ANGEL1: variants seen among roughly 807,000 people sequenced by gnomAD.
ANGEL1 encodes the protein angel homolog 1.
ANGEL1 carries 62 observed loss-of-function variants against 76.4 expected under a neutral mutation model. The observed-to-expected ratio is 0.81, with a 90% CI of 0.66 to 1.00. The LOEUF is 1.00. Ranked by LOEUF, ANGEL1 falls within the 50% of genes least tolerant of loss-of-function variation. The pLI, the probability that ANGEL1 is intolerant of heterozygous loss-of-function variation, is 0.00. For synonymous variants in ANGEL1, 340 were observed against 331.7 expected, an observed-to-expected ratio of 1.03 and a Z score of -0.27; for missense variants, 737 against 836.7, an observed-to-expected ratio of 0.88 and a Z score of 1.47.
Position 76,789,273 on chromosome 14 carries a change from G to C in ANGEL1, c.1968C>G (p.His656Gln), listed in dbSNP as rs1434160802. Residue 656 changes from histidine to glutamine, a missense_variant, in exon 10 of 10, where the codon CAC (histidine) becomes CAG (glutamine). His to Gln is a conservative substitution (Grantham distance 24). This residue lies in a region of ANGEL1 where 296 missense variants were observed against 387.2 expected (regional missense o/e 0.76). Transcript: ENST00000251089. ...TCCCGAAGCTGGCTAGCAGGCAGAG[G>C]TGGTCTGAAGAGCAGAAGGGGTTGG... is the stretch of plus-strand genomic sequence containing the variant. Reference protein sequence around the residue: ...GLPNPFCSSDHLCLLASFGME... With the variant: ...GLPNPFCSSDQLCLLASFGME... 6.2e-7 allele frequency: 1 copy of C among 1,614,244 alleles called. No homozygotes were observed. The highest frequency in any genetic ancestry group is 1.1e-5 in the South Asian group (1 of 91,082).
intron 5 of ANGEL1, 127 bp downstream of exon 5, chr14:76,806,289 C>G: frequency 2.0e-6 from 2 of 992,390 alleles, no homozygotes; most frequent in East Asian, 5.2e-5. Flanking sequence ...TTCAACATAA[C>G]AAGAAAAAGG....
chr14:76,789,072 G>T lies in ANGEL1; in HGVS notation c.*156C>A. ...ACAGGCAGAGAACGCAGCCAGGCCT[G>T]GAGAAAGTCTAACCGTGGGAAAAAG... On this transcript the variant is annotated 3_prime_UTR_variant, in exon 10 of 10. Coordinates refer to ENST00000251089, the MANE Select transcript of ANGEL1 (RefSeq NM_015305.4). The T allele has an allele frequency of 9.6e-7, 1 of 1,041,380 alleles. No individual in the cohort carries two copies. Among genetic ancestry groups the T allele is most frequent in the Non-Finnish European group, 1.4e-6 (1 of 715,732 alleles). The allele number at this position is 1,041,380 out of a possible 1,614,324, so 64.5% of individuals were successfully genotyped here. A position where few individuals can be genotyped will look rare whatever the true frequency, so the allele number is the denominator to read the frequency against.
chr14:76,789,092 A>G lies in ANGEL1; in HGVS notation c.*136T>C, dbSNP rs1894322024. 8.2e-7 allele frequency: 1 copy of G among 1,219,396 alleles called. No individual in the cohort carries two copies. The highest frequency in any genetic ancestry group is 1.1e-6 in the Non-Finnish European group (1 of 874,542). The allele number at this position is 1,219,396 out of a possible 1,614,324, so 75.5% of individuals were successfully genotyped here. A position where few individuals can be genotyped will look rare whatever the true frequency, so the allele number is the denominator to read the frequency against. On this transcript the variant is annotated 3_prime_UTR_variant, in exon 10 of 10. Transcript: ENST00000251089. ...GGCCTGGAGAAAGTCTAACCGTGGG[A>G]AAAAGGGAACGAGGAGGGGGAAGGG...
intron 3 of ANGEL1, 109 bp from the exon 4 acceptor site, chr14:76,807,611 C>T (rs753080223): frequency 8.6e-5 from 90 of 1,052,530 alleles, no homozygotes; most frequent in Non-Finnish European, 1.3e-4. Flanking sequence ...CACACTGAAA[C>T]TTCCCAGAGT....
intron 7 of ANGEL1, among the ~76,000 whole-genome samples, chr14:76,798,015 C>T (rs569175034): frequency 1.4e-4 from 21 of 152,262 alleles, no homozygotes; most frequent in African/African-American, 5.1e-4. Context: ...AGGATTAGTG[C>T]TCTTATAAAA....
At chr14:76,800,371 G>T (rs929380704) in intron 7 of ANGEL1, among the ~76,000 whole-genome samples, 3 of 152,146 alleles carry the variant, frequency 2.0e-5, no homozygotes, top group Non-Finnish European at 1.5e-5. Flanking sequence ...GGCCATCATT[G>T]TTATCACTAT....
chr14:76,803,237 C>T, intron 7 of ANGEL1, 134 bp downstream of exon 7: 3 of 720,922 alleles, frequency 4.2e-6, no homozygotes, highest in Non-Finnish European at 6.8e-6. Context: ...AACTAACCTT[C>T]CTTCTAAATA....
At chr14:76,812,215 T>C in intron 1 of ANGEL1, 3 of 982,870 alleles carry the variant, frequency 3.1e-6, no homozygotes, top group Non-Finnish European at 3.6e-6. Context: ...GAGATCTAAA[T>C]GTGTCTCTGA....
intron 5 of ANGEL1, among the ~76,000 whole-genome samples, chr14:76,805,143 A>C (rs996135810): frequency 3.9e-5 from 6 of 152,168 alleles, no homozygotes; most frequent in East Asian, 1.9e-4. Flanking sequence ...AACACTTTAC[A>C]CGCATTATTT....
At chr14:76,804,664 G>C (rs1202384016) in intron 5 of ANGEL1, among the ~76,000 whole-genome samples, 1 of 152,230 alleles carries the variant, frequency 6.6e-6, no homozygotes, top group Admixed American at 6.5e-5. Flanking sequence ...CTTAATAGCT[G>C]TGTGACTTTT....
intron 5 of ANGEL1, chr14:76,804,559 G>T: frequency 1.7e-6 from 1 of 588,902 alleles, no homozygotes; most frequent in Non-Finnish European, 2.1e-6. Flanking sequence ...AGGTGCTGGG[G>T]ATAGAGCAGC....
intron 1 of ANGEL1, among the ~76,000 whole-genome samples, chr14:76,810,721 A>G (rs901679564): frequency 6.6e-6 from 1 of 152,236 alleles, no homozygotes; most frequent in Non-Finnish European, 1.5e-5. Flanking sequence ...AACAATCGAC[A>G]GTAAGAGACA....
Position 76,791,265 on chromosome 14 carries a change from A to G in ANGEL1, c.1688+32T>C, listed in dbSNP as rs1894397453. 4 of 1,612,570 alleles carry G rather than the reference A, an allele frequency of 2.5e-6. No individual in the cohort carries two copies. The African/African-American group carries it at 5.3e-5, about 21-fold the overall frequency. ...TCTCTTACACCTAGGCAAGGGCTGG[A>G]TTGAAAACAGAAGAGAACTGGAGAA... On this transcript the variant is annotated intron_variant, in intron 8 of 9. Coordinates refer to ENST00000251089, the MANE Select transcript of ANGEL1 (RefSeq NM_015305.4).
intron 1 of ANGEL1, chr14:76,810,170 C>G (rs35649196): frequency 0.063 from 28,680 of 454,484 alleles, 1,130 homozygotes; most frequent in Non-Finnish European, 0.081. Flanking sequence ...GCTCCCAGCA[C>G]TTTGGGAGGC....
intron 1 of ANGEL1, among the ~76,000 whole-genome samples, chr14:76,811,336 T>C (rs1895075456): frequency 6.6e-6 from 1 of 152,232 alleles, no homozygotes; most frequent in Non-Finnish European, 1.5e-5. Context: ...CCTCTGTGTA[T>C]ACCAGATGGC....
intron 2 of ANGEL1, among the ~76,000 whole-genome samples, 175 bp downstream of exon 2, chr14:76,808,884 T>C (rs1406363646): frequency 1.3e-5 from 2 of 152,154 alleles, no homozygotes; most frequent in Admixed American, 6.5e-5. Context: ...TTTAAAACCA[T>C]GGGGCTGGAT....
At position 76,787,691 on chromosome 14, in the gene ANGEL1, C is replaced by A. The variant is rs1211256144; in HGVS notation, c.*1537G>T. Reference sequence around the variant, plus strand: ...TTCAAAAAAAGGAAAGAACCTTAACCCCTGGCTTACTGTCCCGAACTCAAG... The same window carrying A: ...TTCAAAAAAAGGAAAGAACCTTAACACCTGGCTTACTGTCCCGAACTCAAG... On this transcript the variant is annotated 3_prime_UTR_variant, in exon 10 of 10. Transcript: ENST00000251089. 6.6e-6 allele frequency: 1 copy of A among 152,542 alleles called. No homozygotes were observed. Among genetic ancestry groups the A allele is most frequent in the African/African-American group, 2.4e-5 (1 of 41,460 alleles). The allele number at this position is 152,542 out of a possible 1,614,324, so 9.4% of individuals were successfully genotyped here. A position where few individuals can be genotyped will look rare whatever the true frequency, so the allele number is the denominator to read the frequency against.
In ANGEL1 at chr14:76,809,041, A is replaced by G. The variant is rs1412517568; in HGVS notation, c.649+18T>C. On this transcript the variant is annotated intron_variant, in intron 2 of 9. Coordinates refer to ENST00000251089, the MANE Select transcript of ANGEL1 (RefSeq NM_015305.4). ...ACACCCTGTTCCCTTGGCTCACTCA[A>G]CCAGTTGTCAGACTCACCATGATAT... 1.3e-6 allele frequency: 2 copies of G among 1,589,606 alleles called. No homozygotes were observed. Among genetic ancestry groups the G allele is most frequent in the South Asian group, 2.3e-5 (2 of 87,994 alleles).
At position 76,809,598 on chromosome 14, in the gene ANGEL1, G is replaced by A; in HGVS notation, c.110C>T (p.Ser37Leu). Residue 37 changes from serine to leucine, a missense_variant, in exon 2 of 10, where the codon TCA becomes TTA. This residue lies in a region of ANGEL1 where 441 missense variants were observed against 449.5 expected (regional missense o/e 0.98). Transcript: ENST00000251089. The part of the protein sequence containing the change: ...CRKNVLLANS[S>L]SPQVEGDFAM... ...AAAGTCGCCCTCTACCTGGGGGGAT[G>A]AGCTGTTCGCCAGAAGGACATTTTT... The A allele has an allele frequency of 5.0e-6, 8 of 1,613,842 alleles. No homozygotes were observed. The highest frequency in any genetic ancestry group is 6.8e-6 in the Non-Finnish European group (8 of 1,179,918).
Sources: allele counts gnomAD v4.1 joint callset (sites outside exome capture counted in the v4.1 genomes callset), GRCh38; gene constraint gnomAD v4.1.1; regional missense constraint gnomAD v4.1.1; transcripts MANE v1.5; gene names NCBI Gene and HGNC (gene_info 2026-07-23, HGNC 2026-07-21).